The following PKHD1L1 variants were observed in gnomAD, a reference collection of about 807,000 sequenced individuals.
PKHD1L1 encodes the protein fibrocystin-L.
Under a neutral mutation model 462.9 loss-of-function variants are expected in PKHD1L1, and 434 were observed. That is an observed-to-expected ratio of 0.94 (90% CI 0.87 to 1.02). The LOEUF (loss-of-function observed/expected upper bound fraction) is 1.02, where lower values mean the gene tolerates loss of function less well. PKHD1L1 is among the 50% of genes least tolerant of loss of function. PKHD1L1 has a pLI of 0.00. For synonymous variants in PKHD1L1, 1,781 were observed against 1,750.0 expected, an observed-to-expected ratio of 1.02 and a Z score of -0.44; for missense variants, 5,202 against 5,096.1, an observed-to-expected ratio of 1.02 and a Z score of -0.63.
intron 38 of PKHD1L1, 53 bp from the exon 39 acceptor site, chr8:109,448,090 A>G: frequency 7.0e-7 from 1 of 1,435,304 alleles, no homozygotes; most frequent in South Asian, 1.4e-5. Context: ...CTTTAAATGG[A>G]TGTGTATTAA....
At chr8:109,453,288 G>T (rs1349072537) in intron 43 of PKHD1L1, among the ~76,000 whole-genome samples, 1 of 152,150 alleles carries the variant, frequency 6.6e-6, no homozygotes. Context: ...AAGTCATCGA[G>T]ATTTGTTCAG....
chr8:109,510,880 T>C lies in PKHD1L1; in HGVS notation c.11499T>C (p.Thr3833=). 6.2e-7 allele frequency: 1 copy of C among 1,613,356 alleles called. No individual in the cohort carries two copies. The highest frequency in any genetic ancestry group is 8.5e-7 in the Non-Finnish European group (1 of 1,179,488). Residue 3833 remains threonine (T), a synonymous_variant, in exon 71 of 78, where the codon ACT becomes ACC. Transcript: ENST00000378402. Reference sequence around the variant, plus strand: ...ACAAATCTTATGAAGTTTACTTCACTGGCACCAGTCCTCAGAATCTTCGAC... The same window carrying C: ...ACAAATCTTATGAAGTTTACTTCACCGGCACCAGTCCTCAGAATCTTCGAC... ...ALNKSYEVYF[T]GTSPQNLRLM... is the part of the protein sequence containing the mutation.
Position 109,445,063 on chromosome 8 carries a change from C to A in PKHD1L1, c.5194C>A (p.Pro1732Thr). The A allele has an allele frequency of 6.2e-7, 1 of 1,613,852 alleles. No homozygotes were observed. The highest frequency in any genetic ancestry group is 1.1e-5 in the South Asian group (1 of 91,070). ...VDVDLLIHGV[P>T]AQCQGNCTFS... ...TGTAGATCTTCTAATACATGGAGTG[C>A]CTGCCCAGTGCCAGGGAAACTGCAC... The change falls in exon 38 of 78, where the codon CCT (proline) becomes ACT (threonine). Residue 1732 changes from proline (P) to threonine (T), a missense_variant. Pro to Thr is a conservative substitution (Grantham distance 38). This residue lies in a region of PKHD1L1 where 4,497 missense variants were observed against 4,336.8 expected (regional missense o/e 1.04). Transcript: ENST00000378402.
intron 2 of PKHD1L1, among the ~76,000 whole-genome samples, chr8:109,374,824 T>G (rs1487598252): frequency 3.3e-5 from 5 of 152,232 alleles, no homozygotes; most frequent in African/African-American, 4.8e-5. Flanking sequence ...TGTTGAATAT[T>G]GGCCCCCACT....
In PKHD1L1 at chr8:109,530,146, G is replaced by T; in HGVS notation, c.*56G>T. The T allele has an allele frequency of 1.7e-6, 2 of 1,149,806 alleles. No homozygotes were observed. The highest frequency in any genetic ancestry group is 2.3e-6 in the Non-Finnish European group (2 of 867,114). 71.2% of individuals were successfully genotyped at this position (1,149,806 alleles called of 1,614,324 possible). A position where few individuals can be genotyped will look rare whatever the true frequency, so the allele number is the denominator to read the frequency against. On this transcript the variant is annotated 3_prime_UTR_variant, in exon 78 of 78. Transcript: ENST00000378402. ...AAATATAAGAATTATTAGCTACTTT[G>T]TTGGGCAATAGGCAAAAGTCTATAG... is the stretch of plus-strand genomic sequence containing the variant.
chr8:109,422,483 T>C lies in PKHD1L1; in HGVS notation c.2697+1793T>C, dbSNP rs548598162. ...GATGTCATATAATCACACAAATACA[T>C]AGCTTTTGTATACTGGCATTTTTTT... On this transcript the variant is annotated intron_variant, in intron 23 of 77. Coordinates refer to ENST00000378402, the MANE Select transcript of PKHD1L1 (RefSeq NM_177531.6). Among the ~76,000 whole-genome samples, 9 of 152,310 alleles carry C rather than the reference T, an allele frequency of 5.9e-5. No homozygotes were observed. In the South Asian group the frequency reaches 1.9e-3, roughly 32 times the overall value.
In PKHD1L1 at chr8:109,485,094, A is replaced by G; in HGVS notation, c.9627A>G (p.Thr3209=). The G allele has an allele frequency of 3.1e-6, 5 of 1,604,626 alleles. No homozygotes were observed. Among genetic ancestry groups the G allele is most frequent in the Non-Finnish European group, 4.3e-6 (5 of 1,174,902 alleles). ...ITTTSYDFHQ[T]ETRSIVKILH... The stretch of plus-strand genomic sequence containing the variant: ...CCACAAGCTACGATTTCCACCAGAC[A>G]GAAACAAGAAGTATCGTTAAAATCC... Residue 3209 remains threonine (T), a synonymous_variant, in exon 58 of 78, where the codon ACA becomes ACG. Transcript: ENST00000378402.
chr8:109,400,313 A>G lies in PKHD1L1; in HGVS notation c.1250A>G (p.Tyr417Cys), dbSNP rs1471510309. The G allele has an allele frequency of 6.2e-7, 1 of 1,613,266 alleles. No homozygotes were observed. Among genetic ancestry groups the G allele is most frequent in the Admixed American group, 1.7e-5 (1 of 59,962 alleles). The change falls in exon 13 of 78, where the codon TAT becomes TGT. Residue 417 changes from tyrosine to cysteine, a missense_variant. By Grantham distance (194) the Tyr-to-Cys change is radical (BLOSUM62 -2). Around this residue, in one of 3 missense-constraint regions of PKHD1L1, gnomAD observed 4,497 missense variants for 4,336.8 expected, o/e 1.04. Coordinates refer to ENST00000378402, the MANE Select transcript of PKHD1L1 (RefSeq NM_177531.6). The stretch of plus-strand genomic sequence containing the variant: ...AAGGGTGATGACCGTTATGCTATTT[A>G]TTTTAGCCAGACTGGACTTCCAGAA... Reference protein sequence around the residue: ...YIKGDDRYAIYFSQTGLPEDK... With the variant: ...YIKGDDRYAICFSQTGLPEDK...
At chr8:109,526,633 T>C in intron 76 of PKHD1L1, 151 bp from the exon 77 acceptor site, 2 of 691,416 alleles carry the variant, frequency 2.9e-6, no homozygotes, top group East Asian at 2.7e-5. Flanking sequence ...TATACTTGTC[T>C]GTACTTAAAC....
rs868794887 is a variant in PKHD1L1 at position 109,477,234 on chromosome 8, G to A, written c.8927G>A (p.Arg2976Lys). The A allele has an allele frequency of 6.2e-7, 1 of 1,613,088 alleles. No individual in the cohort carries two copies. Among genetic ancestry groups the A allele is most frequent in the South Asian group, 1.1e-5 (1 of 90,994 alleles). The stretch of plus-strand genomic sequence containing the variant: ...TTTACTTCACTTTCAGTGTCAGGAA[G>A]AAATGACCTTCATCAGAGTCAGCTC... ...TSTLYYLVSGRNDLHQSQLIS... is the reference protein window; with the variant it reads ...TSTLYYLVSGKNDLHQSQLIS... The change falls in exon 53 of 78, where the codon AGA becomes AAA. Residue 2976 changes from arginine (R) to lysine (K), a missense_variant. This residue lies in a region of PKHD1L1 where 4,497 missense variants were observed against 4,336.8 expected (regional missense o/e 1.04). Transcript: ENST00000378402.
At chr8:109,497,669 G>A (rs1041727560) in intron 65 of PKHD1L1, among the ~76,000 whole-genome samples, 5 of 151,906 alleles carry the variant, frequency 3.3e-5, no homozygotes, top group Admixed American at 6.6e-5. Flanking sequence ...CTCGTGATCC[G>A]CCCACATCGG....
chr8:109,437,265 T>C (rs1415852210), intron 30 of PKHD1L1, among the ~76,000 whole-genome samples: 2 of 152,236 alleles, frequency 1.3e-5, no homozygotes, highest in Non-Finnish European at 2.9e-5. Context: ...TGTTAAATTT[T>C]CAGTTTCACA....
intron 21 of PKHD1L1, among the ~76,000 whole-genome samples, chr8:109,414,905 A>G (rs1038798825): frequency 2.0e-5 from 3 of 151,770 alleles, no homozygotes; most frequent in African/African-American, 7.3e-5. Context: ...TTCTTGATGC[A>G]AAAGCTGCTG....
intron 67 of PKHD1L1, among the ~76,000 whole-genome samples, chr8:109,500,933 G>A (rs774143641): frequency 6.6e-6 from 1 of 152,000 alleles, no homozygotes; most frequent in Non-Finnish European, 1.5e-5. Context: ...TATTTTTATT[G>A]AGTCACTTAC....
chr8:109,462,042 T>G, intron 48 of PKHD1L1, 134 bp downstream of exon 48: 1 of 1,105,814 alleles, frequency 9.0e-7, no homozygotes, highest in Non-Finnish European at 1.2e-6. Flanking sequence ...TAAACAATTT[T>G]AATACACCCA....
chr8:109,495,547 G>A (rs1471923356), intron 63 of PKHD1L1, among the ~76,000 whole-genome samples: 1 of 152,026 alleles, frequency 6.6e-6, no homozygotes, highest in Admixed American at 6.6e-5. Flanking sequence ...CAAGAGTCTG[G>A]GAAACTGGGG....
Position 109,442,930 on chromosome 8 carries a change from T to A in PKHD1L1, c.4394-16T>A. On this transcript the variant is annotated splice_polypyrimidine_tract_variant and intron_variant, in intron 35 of 77. Coordinates refer to ENST00000378402, the MANE Select transcript of PKHD1L1 (RefSeq NM_177531.6). ...AATTGCTTATATTTATTACGTACAA[T>A]CTCATTTTATGGCAGGTTCATTTTC... is the stretch of plus-strand genomic sequence containing the variant. The A allele has an allele frequency of 6.2e-7, 1 of 1,610,110 alleles. No individual in the cohort carries two copies.
rs887360954 is a variant in PKHD1L1 at position 109,401,953 on chromosome 8, T to C, written c.1373+365T>C. On this transcript the variant is annotated intron_variant, in intron 14 of 77. Coordinates refer to ENST00000378402, the MANE Select transcript of PKHD1L1 (RefSeq NM_177531.6). ...GCTAGGGAAAAATCACTAAGCCACA[T>C]AGATTGTTGCCACTTTTAATATGTA... Among the ~76,000 whole-genome samples, 10 of 152,296 alleles carry C rather than the reference T, an allele frequency of 6.6e-5. No individual in the cohort carries two copies. The East Asian group carries it at 1.4e-3, about 21-fold the overall frequency.
In PKHD1L1 at chr8:109,400,168, A is replaced by G. The variant is rs184952027; in HGVS notation, c.1105A>G (p.Met369Val). 64 of 1,613,740 alleles carry G rather than the reference A, an allele frequency of 4.0e-5. No homozygotes were observed. The African/African-American group carries it at 7.2e-4, about 18-fold the overall frequency. ...ATACAATGAAAAAACGCCTGGGTAC[A>G]TGGGTGCCAGTTGGGTAGATTCAGC... ...LEYNEKTPGY[M>V]GASWVDSASY... Residue 369 changes from methionine (M) to valine (V), a missense_variant, in exon 13 of 78, where the codon ATG (methionine) becomes GTG (valine). This residue lies in a region of PKHD1L1 where 4,497 missense variants were observed against 4,336.8 expected (regional missense o/e 1.04). Coordinates refer to ENST00000378402, the MANE Select transcript of PKHD1L1 (RefSeq NM_177531.6).
Sources: allele counts gnomAD v4.1 joint callset (sites outside exome capture counted in the v4.1 genomes callset), GRCh38; gene constraint gnomAD v4.1.1; regional missense constraint gnomAD v4.1.1; transcripts MANE v1.5; gene names NCBI Gene and HGNC (gene_info 2026-07-23, HGNC 2026-07-21).